Variants in HOXC10 observed in about 807,000 individuals in gnomAD.
HOXC10 encodes homeobox C10, also known as homeobox protein Hox-C10.
A neutral mutation model predicts 26.0 loss-of-function variants in HOXC10; 15 were observed. The observed-to-expected ratio is 0.58, with a 90% CI of 0.39 to 0.89. The LOEUF is 0.89. Ranked by LOEUF, HOXC10 falls within the 40% of genes least tolerant of loss-of-function variation. The probability of loss-of-function intolerance (pLI) is 0.00; values close to 1 mark genes in which losing one functional copy is unlikely to be tolerated. For missense variants in HOXC10, 446 were observed against 451.9 expected (o/e 0.99, Z 0.12); for synonymous variants, 196 against 185.5 (o/e 1.06, Z -0.46).
In HOXC10 at chr12:53,985,706, C is replaced by T; in HGVS notation, c.447C>T (p.Tyr149=). ...ACGAGGTACCCGTGCCCAGCTACTA[C>T]CGCGCCAGCCCGAGCTACTCCGCGC... is the stretch of plus-strand genomic sequence containing the variant. The part of the protein sequence containing the change: ...GEHEVPVPSY[Y]RASPSYSALD... Residue 149 remains tyrosine (Y), a synonymous_variant, in exon 1 of 2, where the codon TAC becomes TAT. Transcript: ENST00000303460. The T allele has an allele frequency of 6.2e-7, 1 of 1,610,484 alleles. No homozygotes were observed.
At chr12:53,988,319 A>G (rs1939468874) in intron 1 of HOXC10, among the ~76,000 whole-genome samples, 2 of 152,234 alleles carry the variant, frequency 1.3e-5, no homozygotes, top group South Asian at 2.1e-4. Context: ...ACTTATGTGT[A>G]TAGGTGTGTG....
Position 53,985,990 on chromosome 12 carries a change from C to A in HOXC10, c.731C>A (p.Thr244Asn), listed in dbSNP as rs748148193. The change falls in exon 1 of 2, where the codon ACC becomes AAC. Residue 244 changes from threonine (T) to asparagine (N), a missense_variant. Physicochemically the swap from Thr to Asn is moderately conservative, Grantham distance 65. Transcript: ENST00000303460. ...AAAGCTGCCGACTCCAGCCCAGACACCTCGGATAACGAAGCGAAAGGTAAG... is the reference window on the plus strand; with the variant it reads ...AAAGCTGCCGACTCCAGCCCAGACAACTCGGATAACGAAGCGAAAGGTAAG... ...RAKAADSSPDTSDNEAKEEIK... is the reference protein window; with the variant it reads ...RAKAADSSPDNSDNEAKEEIK... 6.4e-7 allele frequency: 1 copy of A among 1,569,708 alleles called. No homozygotes were observed. Among genetic ancestry groups the A allele is most frequent in the Non-Finnish European group, 8.6e-7 (1 of 1,158,190 alleles).
At chr12:53,988,577 T>C (rs1487735336) in intron 1 of HOXC10, among the ~76,000 whole-genome samples, 2 of 152,220 alleles carry the variant, frequency 1.3e-5, no homozygotes, top group Admixed American at 1.3e-4. Flanking sequence ...GAGGAAGAGA[T>C]GGCAATGGGA....
Position 53,985,678 on chromosome 12 carries a change from A to G in HOXC10, c.419A>G (p.Glu140Gly). The change falls in exon 1 of 2, where the codon GAG becomes GGG. Residue 140 changes from glutamate (E) to glycine (G), a missense_variant. Coordinates refer to ENST00000303460, the MANE Select transcript of HOXC10 (RefSeq NM_017409.4). ...SHPLPESCLG[E>G]HEVPVPSYYR... ...CCCTTGCCGGAGTCCTGCCTTGGGG[A>G]GCACGAGGTACCCGTGCCCAGCTAC... 6.2e-7 allele frequency: 1 copy of G among 1,611,380 alleles called. No homozygotes were observed. The highest frequency in any genetic ancestry group is 8.5e-7 in the Non-Finnish European group (1 of 1,178,146).
intron 1 of HOXC10, chr12:53,986,242 A>C: frequency 6.2e-6 from 3 of 480,106 alleles, no homozygotes; most frequent in Non-Finnish European, 7.2e-6. Context: ...ATGGGTGCTA[A>C]GGCGGGGGCG....
chr12:53,989,452 C>A lies in HOXC10; in HGVS notation c.*6C>A, dbSNP rs577934558. ...CCAATTTTAATTTCACCTGAGAGCG[C>A]GGCCTCTCCTCCTCCCTTCCCGCTC... is the stretch of plus-strand genomic sequence containing the variant. On this transcript the variant is annotated 3_prime_UTR_variant, in exon 2 of 2. Coordinates refer to ENST00000303460, the MANE Select transcript of HOXC10 (RefSeq NM_017409.4). The A allele has an allele frequency of 5.6e-6, 9 of 1,608,432 alleles. No individual in the cohort carries two copies. The highest frequency in any genetic ancestry group is 2.7e-5 in the African/African-American group (2 of 74,618).
intron 1 of HOXC10, among the ~76,000 whole-genome samples, chr12:53,987,463 C>T (rs1465191134): frequency 6.6e-6 from 1 of 152,192 alleles, no homozygotes; most frequent in African/African-American, 2.4e-5. Flanking sequence ...CAAAGCCTTT[C>T]GTTTGGCACG....
intron 1 of HOXC10, among the ~76,000 whole-genome samples, chr12:53,987,852 C>A (rs1414310293): frequency 1.3e-5 from 2 of 152,042 alleles, no homozygotes; most frequent in East Asian, 3.9e-4. Context: ...AGAAAATAAA[C>A]AGGACGTAGT....
rs374991890 is a variant in HOXC10, at chr12:53,985,570, G to C, written c.311G>C (p.Ser104Thr). 6.2e-7 allele frequency: 1 copy of C among 1,613,902 alleles called. No homozygotes were observed. Among genetic ancestry groups the C allele is most frequent in the Admixed American group, 1.7e-5 (1 of 60,034 alleles). ...RPLSSCSYPP[S>T]VKEENVCCMY... ...CTGTCCTCCTGCTCCTACCCACCTA[G>C]TGTCAAGGAGGAGAATGTCTGCTGC... The change falls in exon 1 of 2, where the codon AGT becomes ACT. Residue 104 changes from serine to threonine, a missense_variant. Ser to Thr is a moderately conservative substitution (Grantham distance 58, BLOSUM62 1). Transcript: ENST00000303460.
chr12:53,985,751 T>C lies in HOXC10; in HGVS notation c.492T>C (p.Cys164=), dbSNP rs1208161457. 1 of 1,613,626 alleles carries C rather than the reference T, an allele frequency of 6.2e-7. No homozygotes were observed. ...CCGCGCTGGACAAGACGCCCCACTGTTCTGGGGCCAACGACTTCGAAGCCC... is the reference window on the plus strand; with the variant it reads ...CCGCGCTGGACAAGACGCCCCACTGCTCTGGGGCCAACGACTTCGAAGCCC... ...SYSALDKTPH[C]SGANDFEAPF... is the part of the protein sequence containing the mutation. Residue 164 remains cysteine (C), a synonymous_variant, in exon 1 of 2, where the codon TGT becomes TGC. Coordinates refer to ENST00000303460, the MANE Select transcript of HOXC10 (RefSeq NM_017409.4).
chr12:53,986,148 C>T, intron 1 of HOXC10, 138 bp downstream of exon 1: 2 of 932,384 alleles, frequency 2.1e-6, no homozygotes, highest in East Asian at 5.5e-5. Context: ...TTTCGACTAG[C>T]GTCCGCTGAG....
chr12:53,985,728 G>T lies in HOXC10; in HGVS notation c.469G>T (p.Ala157Ser), dbSNP rs758937122. The change falls in exon 1 of 2, where the codon GCG (alanine) becomes TCG (serine). Residue 157 changes from alanine (A) to serine (S), a missense_variant. By Grantham distance (99) the Ala-to-Ser change is moderately conservative. Coordinates refer to ENST00000303460, the MANE Select transcript of HOXC10 (RefSeq NM_017409.4). ...SYYRASPSYS[A>S]LDKTPHCSGA... The stretch of plus-strand genomic sequence containing the variant: ...CTACCGCGCCAGCCCGAGCTACTCC[G>T]CGCTGGACAAGACGCCCCACTGTTC... The T allele has an allele frequency of 1.9e-5, 31 of 1,611,602 alleles. No individual in the cohort carries two copies. The highest frequency in any genetic ancestry group is 2.3e-5 in the Non-Finnish European group (27 of 1,178,476).
chr12:53,986,194 G>A lies in HOXC10; in HGVS notation c.751+184G>A, dbSNP rs1939432109. ...GTGGCGCGTCACTTAGCTGGGGAAG[G>A]TAAGCGGCGACGTGGAGGTGTCGGC... On this transcript the variant is annotated intron_variant, in intron 1 of 1. Transcript: ENST00000303460. 2.2e-5 allele frequency: 15 copies of A among 686,478 alleles called. 1 individual carries two copies. Among genetic ancestry groups the A allele is most frequent in the South Asian group, 7.6e-5 (3 of 39,678 alleles). The allele number at this position is 686,478 out of a possible 1,614,324, so 42.5% of individuals were successfully genotyped here. A position where few individuals can be genotyped will look rare whatever the true frequency, so the allele number is the denominator to read the frequency against.
At position 53,985,632 on chromosome 12, in the gene HOXC10, G is replaced by A. The variant is rs1168533002; in HGVS notation, c.373G>A (p.Glu125Lys). ...SAEKRAKSGP[E>K]AALYSHPLPE... The stretch of plus-strand genomic sequence containing the variant: ...AGAGAAGCGGGCGAAAAGTGGCCCC[G>A]AGGCAGCTCTCTACTCCCACCCCTT... Residue 125 changes from glutamate to lysine, a missense_variant, in exon 1 of 2, where the codon GAG becomes AAG. Coordinates refer to ENST00000303460, the MANE Select transcript of HOXC10 (RefSeq NM_017409.4). 2 of 1,613,758 alleles carry A rather than the reference G, an allele frequency of 1.2e-6. No individual in the cohort carries two copies. Among genetic ancestry groups the A allele is most frequent in the Non-Finnish European group, 1.7e-6 (2 of 1,180,010 alleles).
In HOXC10 at chr12:53,989,605, C is replaced by G. The variant is rs1939486798; in HGVS notation, c.*159C>G. 4.2e-6 allele frequency: 3 copies of G among 716,728 alleles called. No homozygotes were observed. The highest frequency in any genetic ancestry group is 2.0e-5 in the South Asian group (1 of 50,610). 44.4% of individuals were successfully genotyped at this position (716,728 alleles called of 1,614,324 possible). ...CTCTCCTTCCAAGGGACCTGTGGTT[C>G]GTGCTGCGAAGATGCTTCCACTTAA... is the stretch of plus-strand genomic sequence containing the variant. On this transcript the variant is annotated 3_prime_UTR_variant, in exon 2 of 2. Coordinates refer to ENST00000303460, the MANE Select transcript of HOXC10 (RefSeq NM_017409.4).
chr12:53,989,036 C>A (rs745405208), intron 1 of HOXC10, 133 bp from the exon 2 acceptor site: 59 of 705,730 alleles, frequency 8.4e-5, no homozygotes, highest in Middle Eastern at 3.7e-4. Flanking sequence ...AGGAGCCCAC[C>A]GCCAGGCCCC....
In HOXC10 at chr12:53,985,763, C is replaced by G. The variant is rs1315773554; in HGVS notation, c.504C>G (p.Asn168Lys). The G allele has an allele frequency of 1.2e-6, 2 of 1,613,598 alleles. No homozygotes were observed. Among genetic ancestry groups the G allele is most frequent in the Non-Finnish European group, 1.7e-6 (2 of 1,179,996 alleles). The stretch of plus-strand genomic sequence containing the variant: ...AGACGCCCCACTGTTCTGGGGCCAA[C>G]GACTTCGAAGCCCCTTTCGAGCAGC... ...LDKTPHCSGA[N>K]DFEAPFEQRA... The change falls in exon 1 of 2, where the codon AAC (asparagine) becomes AAG (lysine). Residue 168 changes from asparagine to lysine, a missense_variant. Physicochemically the swap from Asn to Lys is moderately conservative, Grantham distance 94 (BLOSUM62 0). Coordinates refer to ENST00000303460, the MANE Select transcript of HOXC10 (RefSeq NM_017409.4).
At position 53,985,965 on chromosome 12, in the gene HOXC10, A is replaced by T; in HGVS notation, c.706A>T (p.Lys236Ter). Reference protein sequence around the residue: ...SPSESEKERAKAADSSPDTSD... With the variant: ...SPSESEKERA The stretch of plus-strand genomic sequence containing the variant: ...CTCGGAGAGCGAAAAGGAGAGGGCC[A>T]AAGCTGCCGACTCCAGCCCAGACAC... Residue 236 changes from lysine (K) to a stop codon, truncating the protein, a stop_gained, in exon 1 of 2, where the codon AAA becomes TAA. Coordinates refer to ENST00000303460, the MANE Select transcript of HOXC10 (RefSeq NM_017409.4). LOFTEE classifies it high-confidence loss of function. 1 of 1,603,184 alleles carries T rather than the reference A, an allele frequency of 6.2e-7. No homozygotes were observed. The highest frequency in any genetic ancestry group is 8.5e-7 in the Non-Finnish European group (1 of 1,175,722).
In HOXC10 at chr12:53,989,330, A is replaced by G. The variant is rs763077316; in HGVS notation, c.913A>G (p.Ile305Val). The change falls in exon 2 of 2, where the codon ATT becomes GTT. Residue 305 changes from isoleucine to valine, a missense_variant. Physicochemically the swap from Ile to Val is conservative, Grantham distance 29. Coordinates refer to ENST00000303460, the MANE Select transcript of HOXC10 (RefSeq NM_017409.4). ...RERRLEISKT[I>V]NLTDRQVKIW... is the part of the protein sequence containing the mutation. Reference sequence around the variant, plus strand: ...GCGCCGCCTGGAGATTAGCAAGACCATTAACCTTACAGACAGACAAGTCAA... The same window carrying G: ...GCGCCGCCTGGAGATTAGCAAGACCGTTAACCTTACAGACAGACAAGTCAA... 3.1e-6 allele frequency: 5 copies of G among 1,614,186 alleles called. No homozygotes were observed. Among genetic ancestry groups the G allele is most frequent in the Admixed American group, 1.7e-5 (1 of 60,032 alleles).
Sources: gnomAD v4.1 joint callset for allele counts (sites outside exome capture counted in the v4.1 genomes callset) on GRCh38, gnomAD v4.1.1 for gene constraint, MANE v1.5 for transcripts, NCBI Gene and HGNC (gene_info 2026-07-23, HGNC 2026-07-21) for gene names.